TBC1D2B: variants seen among roughly 807,000 people sequenced by gnomAD.
TBC1D2B encodes the protein TBC1 domain family, member 2B.
A neutral mutation model predicts 100.8 loss-of-function variants in TBC1D2B; 64 were observed. The ratio of observed to expected loss-of-function variants is 0.64; its 90% CI spans 0.52 to 0.78. TBC1D2B has a LOEUF of 0.78. TBC1D2B is among the 30% of genes least tolerant of loss of function. The pLI, the probability that TBC1D2B is intolerant of heterozygous loss-of-function variation, is 0.00. For missense variants in TBC1D2B, 1,052 were observed against 1,218.4 expected (o/e 0.86, Z 2.03); for synonymous variants, 480 against 479.7 (o/e 1.00, Z -0.01).
intron 1 of TBC1D2B, among the ~76,000 whole-genome samples, chr15:78,071,111 C>T (rs561302876): frequency 9.2e-5 from 14 of 151,988 alleles, no homozygotes; most frequent in East Asian, 5.8e-4. Context: ...CGTGAGCCAC[C>T]ACATCCAGCC....
chr15:78,052,797 CAGTT>C (rs2073341387), intron 2 of TBC1D2B, among the ~76,000 whole-genome samples: 1 of 152,208 alleles, frequency 6.6e-6, no homozygotes, highest in Non-Finnish European at 1.5e-5. Context: ...CTGAGACACT[CAGTT>C]AGGAGCTCCT....
chr15:78,072,287 G>A lies in TBC1D2B; in HGVS notation c.360+5006C>T, dbSNP rs532787792. 3.3e-5 allele frequency among the ~76,000 whole-genome samples: 5 copies of A among 152,338 alleles called. No individual in the cohort carries two copies. In the South Asian group the frequency reaches 1.0e-3, roughly 32 times the overall value. The stretch of plus-strand genomic sequence containing the variant: ...CAATGAGGACTGTGTGAGGCAGTGG[G>A]AGAGGGAGACGGAATGCCACTGTGA... On this transcript the variant is annotated intron_variant, in intron 1 of 12. Transcript: ENST00000300584.
intron 2 of TBC1D2B, among the ~76,000 whole-genome samples, chr15:78,048,666 C>T (rs1317152509): frequency 1.3e-5 from 2 of 152,182 alleles, no homozygotes. Flanking sequence ...CCAGTGTGAA[C>T]CCGGGCAGTC....
At chr15:77,998,485 G>A (rs2071824118) in intron 12 of TBC1D2B, 130 bp from the exon 13 acceptor site, 2 of 801,852 alleles carry the variant, frequency 2.5e-6, no homozygotes, top group Non-Finnish European at 3.8e-6. Context: ...GGGGCCTGAT[G>A]TAGGGGATGA....
At chr15:78,029,946 T>C in intron 4 of TBC1D2B, 61 bp downstream of exon 4, 1 of 1,412,678 alleles carries the variant, frequency 7.1e-7, no homozygotes, top group South Asian at 1.5e-5. Flanking sequence ...TGTCTCCACA[T>C]CACTGGTGGT....
chr15:78,034,990 C>T (rs1170045653), intron 3 of TBC1D2B, among the ~76,000 whole-genome samples: 2 of 150,622 alleles, frequency 1.3e-5, no homozygotes, highest in Non-Finnish European at 3.0e-5. Context: ...TAAATGGAGG[C>T]GTTTTTTTAG....
chr15:78,031,623 G>A (rs7175975), intron 3 of TBC1D2B, among the ~76,000 whole-genome samples: 131,027 of 147,602 alleles, frequency 0.89, 58,889 homozygotes, highest in East Asian at 0.99. Flanking sequence ...AAAATGCAGT[G>A]GAAATATGAC....
chr15:78,032,352 A>C (rs1201677230), intron 3 of TBC1D2B, among the ~76,000 whole-genome samples: 1 of 152,192 alleles, frequency 6.6e-6, no homozygotes, highest in East Asian at 1.9e-4. Flanking sequence ...AAAAGGATCA[A>C]ACTGTTCCAG....
chr15:77,999,537 C>G (rs1251569171), intron 12 of TBC1D2B, among the ~76,000 whole-genome samples: 1 of 152,182 alleles, frequency 6.6e-6, no homozygotes, highest in African/African-American at 2.4e-5. Context: ...GTGTGGATTT[C>G]TCGGGTTCCG....
rs2073848621 is a variant in TBC1D2B at position 78,077,443 on chromosome 15, G to T, written c.210C>A (p.Phe70Leu). ...GGGGCAGCGCGTCCTGCGGACTCTTGAAATAGTAAAGGTAGCAGCGGCGCG... is the reference window on the plus strand; with the variant it reads ...GGGGCAGCGCGTCCTGCGGACTCTTTAAATAGTAAAGGTAGCAGCGGCGCG... ...FDARRCYLYY[F>L]KSPQDALPLG... is the part of the protein sequence containing the mutation. Residue 70 changes from phenylalanine to leucine, a missense_variant, in exon 1 of 13, where the codon TTC becomes TTA. Around this residue, in one of 4 missense-constraint regions of TBC1D2B, gnomAD observed 627 missense variants for 646.1 expected, o/e 0.97. Transcript: ENST00000300584. 6.5e-7 allele frequency: 1 copy of T among 1,543,928 alleles called. No homozygotes were observed. The highest frequency in any genetic ancestry group is 8.7e-7 in the Non-Finnish European group (1 of 1,144,632).
chr15:78,004,354 C>T (rs2072009321), intron 10 of TBC1D2B, among the ~76,000 whole-genome samples: 1 of 152,166 alleles, frequency 6.6e-6, no homozygotes, highest in Non-Finnish European at 1.5e-5. Flanking sequence ...GGACAGGTCC[C>T]CGCCAAGCAC....
chr15:78,014,528 C>G (rs1392835977), intron 8 of TBC1D2B, among the ~76,000 whole-genome samples: 1 of 152,126 alleles, frequency 6.6e-6, no homozygotes, highest in Non-Finnish European at 1.5e-5. Flanking sequence ...ATGGAAAGAA[C>G]CTAAATGTCC....
chr15:78,058,434 T>C (rs2073472203), intron 1 of TBC1D2B, among the ~76,000 whole-genome samples: 1 of 152,210 alleles, frequency 6.6e-6, no homozygotes, highest in East Asian at 1.9e-4. Flanking sequence ...TCCATTAATG[T>C]CCAAGGAGAG....
chr15:78,013,649 AAT>A (rs2072293964), intron 8 of TBC1D2B, among the ~76,000 whole-genome samples: 1 of 152,244 alleles, frequency 6.6e-6, no homozygotes, highest in Non-Finnish European at 1.5e-5. Context: ...TGGCTACATT[AAT>A]ATATGTGTAT....
At position 78,003,354 on chromosome 15, in the gene TBC1D2B, C is replaced by CT; in HGVS notation, c.2524dup (p.Ser842LysfsTer2). 1 of 1,613,904 alleles carries CT rather than the reference C, an allele frequency of 6.2e-7. No individual in the cohort carries two copies. Among genetic ancestry groups the CT allele is most frequent in the Non-Finnish European group, 8.5e-7 (1 of 1,179,862 alleles). ...GTCCCATATTTTAAAGAGGATGTCA[C>CT]TAACGACACTATCCACAAATACCAC... On this transcript the variant is annotated frameshift_variant, in exon 11 of 13. Transcript: ENST00000300584. LOFTEE classifies it high-confidence loss of function.
chr15:78,077,235 G>A, intron 1 of TBC1D2B, 58 bp downstream of exon 1: 9 of 1,404,218 alleles, frequency 6.4e-6, no homozygotes, highest in Non-Finnish European at 8.3e-6. Flanking sequence ...CAAGCCAGTG[G>A]CGGAGGCAGG....
At chr15:78,012,733 G>T in intron 9 of TBC1D2B, 90 bp downstream of exon 9, 1 of 1,335,304 alleles carries the variant, frequency 7.5e-7, no homozygotes, top group Non-Finnish European at 9.7e-7. Context: ...ACTTTTCTTG[G>T]CCAACCAGGA....
At chr15:78,026,934 C>T (rs1196754969) in intron 4 of TBC1D2B, among the ~76,000 whole-genome samples, 1 of 151,180 alleles carries the variant, frequency 6.6e-6, no homozygotes, top group South Asian at 2.1e-4. Context: ...TCGGGAATAC[C>T]GTCAGGCCAG....
Position 78,034,823 on chromosome 15 carries a change from C to G in TBC1D2B, c.684-4653G>C, listed in dbSNP as rs1032260927. ...TATATAGCCAATTCCTGTTTTTGCT[C>G]TTATGTGGCAAAACCCAATTCTAGG... On this transcript the variant is annotated intron_variant, in intron 3 of 12. Transcript: ENST00000300584. 7.2e-6 allele frequency: 6 copies of G among 835,944 alleles called. No individual in the cohort carries two copies. The Admixed American group carries it at 3.1e-4, about 43-fold the overall frequency. 51.8% of individuals were successfully genotyped at this position (835,944 alleles called of 1,614,324 possible).
Sources: allele counts gnomAD v4.1 joint callset (sites outside exome capture counted in the v4.1 genomes callset), GRCh38; gene constraint gnomAD v4.1.1; regional missense constraint gnomAD v4.1.1; transcripts MANE v1.5; gene names NCBI Gene and HGNC (gene_info 2026-07-23, HGNC 2026-07-21).